The following ANP32E variants were observed in gnomAD, a reference collection of about 807,000 sequenced individuals.
ANP32E encodes acidic nuclear phosphoprotein 32 family member E, also known as acidic leucine-rich nuclear phosphoprotein 32 family member E.
ANP32E carries 14 observed loss-of-function variants against 35.3 expected under a neutral mutation model. The observed-to-expected ratio is 0.40, with a 90% CI of 0.26 to 0.62. The LOEUF (loss-of-function observed/expected upper bound fraction) is 0.62. Among genes scored for constraint, ANP32E ranks in the 20% least tolerant of loss-of-function variants. The pLI is 0.45. For missense variants in ANP32E, 198 were observed against 304.4 expected (o/e 0.65, Z 2.60); for synonymous variants, 89 against 110.4 (o/e 0.81, Z 1.22).
chr1:150,232,410 T>TC (rs1301287918), intron 1 of ANP32E, among the ~76,000 whole-genome samples: 1 of 150,102 alleles, frequency 6.7e-6, no homozygotes, highest in Non-Finnish European at 1.5e-5. Flanking sequence ...CCTTTTCATT[T>TC]CCCCCCAAAA....
In ANP32E at chr1:150,235,400, C is replaced by CAGG. The variant is rs1649695720; in HGVS notation, c.54+330_54+332dup. Among the ~76,000 whole-genome samples the CAGG allele has an allele frequency of 6.6e-6, 1 of 152,182 alleles. No individual in the cohort carries two copies. ...GGGTCGCGCCCACGCCGCCGGCCCCCAGGAGGAGGAGTGCCGGGAGCGAAG... is the reference window on the plus strand; with the variant it reads ...GGGTCGCGCCCACGCCGCCGGCCCCCAGGAGGAGGAGGAGTGCCGGGAGCGAAG... On this transcript the variant is annotated intron_variant, in intron 1 of 6. Transcript: ENST00000583931. The surrounding 1 kb of genome is among the most constrained non-coding windows in gnomAD (Gnocchi z 4.2).
At chr1:150,221,913 G>A (rs1371678174) in intron 6 of ANP32E, among the ~76,000 whole-genome samples, 4 of 151,924 alleles carry the variant, frequency 2.6e-5, no homozygotes, top group African/African-American at 9.7e-5. Context: ...GCAACAGTGA[G>A]ACCCCGTCTA....
Position 150,226,775 on chromosome 1 carries a change from C to G in ANP32E, c.514G>C (p.Glu172Gln). The change falls in exon 5 of 7, where the codon GAG (glutamate) becomes CAG (glutamine). Residue 172 changes from glutamate to glutamine, a missense_variant. Glu to Gln is a conservative substitution (Grantham distance 29). Around this residue, in one of 4 missense-constraint regions of ANP32E, gnomAD observed 121 missense variants for 137.3 expected, o/e 0.88. Coordinates refer to ENST00000583931, the MANE Select transcript of ANP32E (RefSeq NM_030920.5). The stretch of plus-strand genomic sequence containing the variant: ...GGACCAGCTTCATTTTCCTCTTCCT[C>G]TTCATCATCTTCATCGCCATCTTTA... ...DDEDGDEDDE[E>Q]EEENEAGPPE... 1.2e-6 allele frequency: 2 copies of G among 1,602,172 alleles called. No homozygotes were observed. Among genetic ancestry groups the G allele is most frequent in the Non-Finnish European group, 8.5e-7 (1 of 1,174,368 alleles).
chr1:150,233,844 A>G (rs1183955205), intron 1 of ANP32E, among the ~76,000 whole-genome samples: 1 of 152,098 alleles, frequency 6.6e-6, no homozygotes, highest in Non-Finnish European at 1.5e-5. Flanking sequence ...GCTTGCCTAG[A>G]GTCACAGTTG....
intron 1 of ANP32E, among the ~76,000 whole-genome samples, chr1:150,232,594 T>C (rs1339482174): frequency 6.6e-6 from 1 of 151,012 alleles, no homozygotes; most frequent in Non-Finnish European, 1.5e-5. Flanking sequence ...TCTCAGCCTC[T>C]GGAGTAGCTG....
intron 2 of ANP32E, 112 bp downstream of exon 2, chr1:150,231,665 A>G: frequency 1.6e-6 from 2 of 1,222,734 alleles, no homozygotes; most frequent in East Asian, 2.7e-5. Context: ...TCTTATCTCT[A>G]GAAACTTAAA....
At chr1:150,228,971 G>T in intron 4 of ANP32E, 101 bp downstream of exon 4, 4 of 994,466 alleles carry the variant, frequency 4.0e-6, no homozygotes, top group Non-Finnish European at 6.0e-6. Context: ...TCTTGTTGTG[G>T]ATTTTTTTTT....
chr1:150,229,867 C>G (rs1287710530), intron 3 of ANP32E, among the ~76,000 whole-genome samples: 1 of 152,254 alleles, frequency 6.6e-6, no homozygotes, highest in African/African-American at 2.4e-5. Flanking sequence ...TCACCTCGGC[C>G]TCCCAAAGTG....
rs1553843171 is a variant in ANP32E, at chr1:150,235,751, C to T, written c.36G>A (p.Arg12=). 10 of 1,612,154 alleles carry T rather than the reference C, an allele frequency of 6.2e-6. No homozygotes were observed. Among genetic ancestry groups the T allele is most frequent in the Non-Finnish European group, 8.5e-6 (10 of 1,179,130 alleles). ...ATCTCACCTCCTCCGGGGATCTGTT[C>T]CTTAACTCCAGGTTAATCTTCTTCT... ...EMKKKINLEL[R]NRSPEEVTEL... The change falls in exon 1 of 7, where the codon AGG becomes AGA. Residue 12 remains arginine (R), a synonymous_variant. Coordinates refer to ENST00000583931, the MANE Select transcript of ANP32E (RefSeq NM_030920.5). This position sits in a 1 kb window ranked among gnomAD's most constrained non-coding sequence, Gnocchi z 4.2.
At chr1:150,225,991 G>A (rs1428422838) in intron 5 of ANP32E, among the ~76,000 whole-genome samples, 1 of 146,380 alleles carries the variant, frequency 6.8e-6, no homozygotes, top group Non-Finnish European at 1.5e-5. Flanking sequence ...TTAATCCTAT[G>A]AGGTTGATAT....
intron 1 of ANP32E, 121 bp from the exon 2 acceptor site, chr1:150,232,047 A>C (rs1560005000): frequency 9.4e-7 from 1 of 1,066,664 alleles, no homozygotes; most frequent in Non-Finnish European, 1.3e-6. Flanking sequence ...ATTGCCCGTC[A>C]GTTAAAACAA....
intron 6 of ANP32E, 54 bp from the exon 7 acceptor site, chr1:150,220,815 G>C: frequency 6.7e-7 from 1 of 1,499,810 alleles, no homozygotes; most frequent in Non-Finnish European, 9.3e-7. Context: ...AATGAGGATT[G>C]GTTACATTTT....
intron 2 of ANP32E, 55 bp downstream of exon 2, chr1:150,231,722 T>C: frequency 2.0e-6 from 3 of 1,468,554 alleles, no homozygotes; most frequent in Non-Finnish European, 2.7e-6. Context: ...GGCCAAACAC[T>C]AGACATATAG....
Position 150,235,694 on chromosome 1 carries a change from T to C in ANP32E, c.54+39A>G, listed in dbSNP as rs782377383. The C allele has an allele frequency of 1.4e-5, 23 of 1,612,680 alleles. No homozygotes were observed. The highest frequency in any genetic ancestry group is 9.3e-5 in the African/African-American group (7 of 74,882). ...ACCAGAAATCCGATCCTCAGAATAC[T>C]GGACTGATGGGGAAGCGGTGGGGGC... On this transcript the variant is annotated intron_variant, in intron 1 of 6. Coordinates refer to ENST00000583931, the MANE Select transcript of ANP32E (RefSeq NM_030920.5). The surrounding 1 kb of genome is among the most constrained non-coding windows in gnomAD (Gnocchi z 4.2).
chr1:150,233,064 A>G (rs1649495007), intron 1 of ANP32E, among the ~76,000 whole-genome samples: 1 of 151,978 alleles, frequency 6.6e-6, no homozygotes. Context: ...TAGGAGATCA[A>G]GACAAGCCTG....
At chr1:150,228,972 A>ATT (rs148013046) in intron 4 of ANP32E, 100 bp downstream of exon 4, 353 of 990,270 alleles carry the variant, frequency 3.6e-4, no homozygotes, top group Non-Finnish European at 4.7e-4. Context: ...CTTGTTGTGG[A>ATT]TTTTTTTTTT....
rs973918912 is a variant in ANP32E at position 150,220,479 on chromosome 1, G to A, written c.*212C>T. On this transcript the variant is annotated 3_prime_UTR_variant, in exon 7 of 7. Transcript: ENST00000583931. ...TAAATTGCTAGGGAATTCCACAATGGGAGTCAATGAAAATTTTTCTCTACA... is the reference window on the plus strand; with the variant it reads ...TAAATTGCTAGGGAATTCCACAATGAGAGTCAATGAAAATTTTTCTCTACA... The A allele has an allele frequency of 3.7e-5, 18 of 481,182 alleles. No homozygotes were observed. The highest frequency in any genetic ancestry group is 3.5e-4 in the African/African-American group (18 of 50,744). 29.8% of individuals were successfully genotyped at this position (481,182 alleles called of 1,614,324 possible).
At chr1:150,223,332 A>C (rs782192029) in intron 5 of ANP32E, 92 bp from the exon 6 acceptor site, 3 of 1,458,188 alleles carry the variant, frequency 2.1e-6, no homozygotes, top group Non-Finnish European at 2.8e-6. Context: ...CAAAGAAACT[A>C]TGGTTATTCT....
In ANP32E at chr1:150,229,063, A is replaced by C; in HGVS notation, c.493+9T>G. On this transcript the variant is annotated intron_variant, in intron 4 of 6. Transcript: ENST00000583931. ...TTATGACACACTTATGAGTATTAAG[A>C]ACGATTACCCTCATCATCCTCCTCT... is the stretch of plus-strand genomic sequence containing the variant. 1 of 1,611,366 alleles carries C rather than the reference A, an allele frequency of 6.2e-7. No individual in the cohort carries two copies. Among genetic ancestry groups the C allele is most frequent in the Non-Finnish European group, 8.5e-7 (1 of 1,179,036 alleles).
Sources: allele counts gnomAD v4.1 joint callset (sites outside exome capture counted in the v4.1 genomes callset), GRCh38; gene constraint gnomAD v4.1.1; regional missense constraint gnomAD v4.1.1; non-coding constraint Gnocchi (gnomAD v3.1); transcripts MANE v1.5; gene names NCBI Gene and HGNC (gene_info 2026-07-23, HGNC 2026-07-21).